Variants in MEIS1 observed in about 807,000 individuals in gnomAD.
MEIS1 encodes the protein homeobox protein Meis1.
In MEIS1, 5 loss-of-function variants were observed where a neutral mutation model predicts 50.8. The observed-to-expected ratio is 0.10, with a 90% CI of 0.05 to 0.21. MEIS1 has a LOEUF of 0.21. Ranked by LOEUF, MEIS1 falls within the 10% of genes least tolerant of loss-of-function variation. MEIS1 has a pLI of 1.00. For missense variants in MEIS1, 318 were observed against 517.3 expected (o/e 0.61, Z 3.74); for synonymous variants, 176 against 179.3 (o/e 0.98, Z 0.15).
chr2:66,519,524 G>C (rs1389386365), intron 8 of MEIS1, among the ~76,000 whole-genome samples: 4 of 152,108 alleles, frequency 2.6e-5, no homozygotes, highest in Admixed American at 6.5e-5. Context: ...CTCTTTCTTG[G>C]TGGGCCAGTG....
chr2:66,502,636 G>A (rs1673585688), intron 7 of MEIS1, among the ~76,000 whole-genome samples: 1 of 152,152 alleles, frequency 6.6e-6, no homozygotes. Context: ...TTCAGAGCAG[G>A]AGAAGAATGG....
chr2:66,440,677 C>CAAAGCAA, intron 4 of MEIS1, 65 bp downstream of exon 4: 2 of 1,179,248 alleles, frequency 1.7e-6, no homozygotes, highest in Non-Finnish European at 2.4e-6. Flanking sequence ...CCAACGCCCT[C>CAAAGCAA]AGCTTTGCTT....
At chr2:66,523,063 T>G (rs1204269136) in intron 8 of MEIS1, among the ~76,000 whole-genome samples, 1 of 152,182 alleles carries the variant, frequency 6.6e-6, no homozygotes, top group Non-Finnish European at 1.5e-5. Flanking sequence ...CAGAAACAGG[T>G]GTGAGCAGTT....
At chr2:66,446,430 AGG>A (rs1672148526) in intron 6 of MEIS1, among the ~76,000 whole-genome samples, 1 of 152,108 alleles carries the variant, frequency 6.6e-6, no homozygotes, top group Admixed American at 6.5e-5. Context: ...CTAGGCCCCC[AGG>A]GCCGCCTCCC....
chr2:66,460,079 G>T (rs549897572), intron 6 of MEIS1, among the ~76,000 whole-genome samples: 2 of 151,778 alleles, frequency 1.3e-5, no homozygotes, highest in East Asian at 3.9e-4. Context: ...AATGGTAGAA[G>T]AAAAAAAAGT....
intron 8 of MEIS1, among the ~76,000 whole-genome samples, chr2:66,543,461 C>T (rs952152193): frequency 2.1e-4 from 32 of 152,136 alleles, no homozygotes; most frequent in African/African-American, 7.7e-4. Flanking sequence ...GTTCCACTGC[C>T]CACAAGCCAC....
intron 6 of MEIS1, among the ~76,000 whole-genome samples, chr2:66,446,152 G>C (rs1672139059): frequency 6.6e-6 from 1 of 152,178 alleles, no homozygotes; most frequent in Non-Finnish European, 1.5e-5. Flanking sequence ...GTCGAGGCGA[G>C]GGTTGAGCCT....
intron 7 of MEIS1, among the ~76,000 whole-genome samples, chr2:66,473,589 T>A (rs570104400): frequency 6.6e-6 from 1 of 152,036 alleles, no homozygotes; most frequent in East Asian, 1.9e-4. Flanking sequence ...TTACAGGTCC[T>A]GCTAATAGTT....
At chr2:66,544,666 A>G (rs1674745876) in intron 8 of MEIS1, among the ~76,000 whole-genome samples, 2 of 152,092 alleles carry the variant, frequency 1.3e-5, no homozygotes, top group South Asian at 2.1e-4. Flanking sequence ...AACAACTGAA[A>G]ATTTCTTAAT....
intron 8 of MEIS1, among the ~76,000 whole-genome samples, chr2:66,515,363 A>G (rs1225543922): frequency 6.6e-6 from 1 of 152,184 alleles, no homozygotes; most frequent in East Asian, 1.9e-4. Context: ...GCTTTAAAGC[A>G]TTTCTGTGTT....
chr2:66,439,836 C>T lies in MEIS1; in HGVS notation c.240-7C>T. 6.2e-7 allele frequency: 1 copy of T among 1,611,838 alleles called. No homozygotes were observed. The highest frequency in any genetic ancestry group is 8.5e-7 in the Non-Finnish European group (1 of 1,178,790). On this transcript the variant is annotated splice_region_variant and splice_polypyrimidine_tract_variant and intron_variant, in intron 2 of 12. Coordinates refer to ENST00000272369, the MANE Select transcript of MEIS1 (RefSeq NM_002398.3). ...ATGTTGTTTGTGACTGTTGTATTTT[C>T]TTGCAGACACCCCCTCTTCCCTCTC... is the stretch of plus-strand genomic sequence containing the variant.
intron 3 of MEIS1, 68 bp downstream of exon 3, chr2:66,440,052 C>T: frequency 7.4e-7 from 1 of 1,355,046 alleles, no homozygotes; most frequent in Non-Finnish European, 9.8e-7. Flanking sequence ...AACACACACG[C>T]GCGCGCGCGC....
chr2:66,570,261 C>T (rs566567891), intron 12 of MEIS1: 6 of 152,020 alleles, frequency 3.9e-5, no homozygotes, highest in Admixed American at 3.9e-4. Context: ...AATTCTCTAG[C>T]TTAGTTAATT....
At chr2:66,465,230 C>T (rs912312232) in intron 7 of MEIS1, among the ~76,000 whole-genome samples, 26 of 152,142 alleles carry the variant, frequency 1.7e-4, no homozygotes, top group Non-Finnish European at 1.6e-4. Context: ...TTTTGAGGCA[C>T]ATATATGCTG....
At chr2:66,468,019 G>C (rs1672681361) in intron 7 of MEIS1, among the ~76,000 whole-genome samples, 1 of 152,138 alleles carries the variant, frequency 6.6e-6, no homozygotes, top group Non-Finnish European at 1.5e-5. Context: ...CATTTCACAG[G>C]AGATAGAAGT....
chr2:66,467,263 GT>G (rs1215883487), intron 7 of MEIS1, among the ~76,000 whole-genome samples: 1 of 152,080 alleles, frequency 6.6e-6, no homozygotes, highest in Non-Finnish European at 1.5e-5. Flanking sequence ...CAGTGAAAGA[GT>G]TTTAGTACAC....
intron 7 of MEIS1, among the ~76,000 whole-genome samples, chr2:66,490,915 T>A (rs750130493): frequency 1.1e-4 from 17 of 152,204 alleles, no homozygotes; most frequent in Non-Finnish European, 1.9e-4. Context: ...AAAGGTCTGT[T>A]CCCTACCATT....
intron 7 of MEIS1, among the ~76,000 whole-genome samples, chr2:66,501,727 T>C (rs1673562630): frequency 6.6e-6 from 1 of 152,138 alleles, no homozygotes; most frequent in Non-Finnish European, 1.5e-5. Context: ...TTTACTTCTA[T>C]GAACACTTAC....
chr2:66,563,366 A>G (rs539779198), intron 9 of MEIS1, among the ~76,000 whole-genome samples: 3 of 152,154 alleles, frequency 2.0e-5, no homozygotes, highest in Non-Finnish European at 2.9e-5. Context: ...TATTTCTTCT[A>G]TGTTGAATCT....
Sources: gnomAD v4.1 joint callset for allele counts (sites outside exome capture counted in the v4.1 genomes callset) on GRCh38, gnomAD v4.1.1 for gene constraint, MANE v1.5 for transcripts, NCBI Gene and HGNC (gene_info 2026-07-23, HGNC 2026-07-21) for gene names.